The following AGBL1 variants were observed in gnomAD, a reference collection of about 807,000 sequenced individuals.
AGBL1 encodes the protein AGBL carboxypeptidase 1, also known as cytosolic carboxypeptidase 4.
In AGBL1, 130 loss-of-function variants were observed where a neutral mutation model predicts 118.9. That is an observed-to-expected ratio of 1.09 (90% CI 0.95 to 1.26). The LOEUF (loss-of-function observed/expected upper bound fraction) is 1.26, where lower values mean the gene tolerates loss of function less well. AGBL1 is among the 50% of genes most tolerant of loss of function. AGBL1 has a pLI of 0.00. For missense variants in AGBL1, 1,584 were observed against 1,298.1 expected (o/e 1.22, Z -3.38); for synonymous variants, 555 against 478.9 (o/e 1.16, Z -2.08).
At chr15:86,154,023 AG>A (rs1365737817) in intron 3 of AGBL1, among the ~76,000 whole-genome samples, 1 of 152,198 alleles carries the variant, frequency 6.6e-6, no homozygotes, top group African/African-American at 2.4e-5. Flanking sequence ...TTATAGACAT[AG>A]TCAAAGCAAG....
chr15:86,996,986 A>T (rs1158989010), intron 24 of AGBL1, among the ~76,000 whole-genome samples: 1 of 152,142 alleles, frequency 6.6e-6, no homozygotes, highest in Non-Finnish European at 1.5e-5. Context: ...TTATTTCTAG[A>T]ATCATAACCA....
At chr15:86,682,754 AATAAGT>A (rs1428767333) in intron 22 of AGBL1, among the ~76,000 whole-genome samples, 8 of 152,174 alleles carry the variant, frequency 5.3e-5, no homozygotes, top group African/African-American at 1.4e-4. Flanking sequence ...CCATGAAAAT[AATAAGT>A]ATGTCAATTT....
intron 9 of AGBL1, among the ~76,000 whole-genome samples, chr15:86,259,103 G>C (rs1043334521): frequency 6.6e-6 from 1 of 152,188 alleles, no homozygotes; most frequent in African/African-American, 2.4e-5. Flanking sequence ...TTGGCATTTA[G>C]ACCGGTTACT....
chr15:87,020,124 C>T (rs1415928706), intron 24 of AGBL1, among the ~76,000 whole-genome samples: 1 of 151,888 alleles, frequency 6.6e-6, no homozygotes, highest in Non-Finnish European at 1.5e-5. Context: ...TAATAGATAG[C>T]CTACCAATCA....
intron 23 of AGBL1, among the ~76,000 whole-genome samples, chr15:86,953,857 T>C (rs2080904046): frequency 6.6e-6 from 1 of 152,190 alleles, no homozygotes; most frequent in African/African-American, 2.4e-5. Flanking sequence ...TAGAATTATA[T>C]AATCAGCAAA....
At chr15:86,407,410 C>G (rs2081544969) in intron 18 of AGBL1, among the ~76,000 whole-genome samples, 2 of 152,124 alleles carry the variant, frequency 1.3e-5, no homozygotes, top group Non-Finnish European at 2.9e-5. Context: ...ATCCTGGTGT[C>G]TTTCCTCTTG....
chr15:86,752,918 A>G (rs915922930), intron 22 of AGBL1, among the ~76,000 whole-genome samples: 1 of 152,126 alleles, frequency 6.6e-6, no homozygotes, highest in Non-Finnish European at 1.5e-5. Context: ...AGAATATTGC[A>G]ATTTTCACAT....
At chr15:86,972,941 T>C (rs1012716842) in intron 23 of AGBL1, among the ~76,000 whole-genome samples, 1 of 152,018 alleles carries the variant, frequency 6.6e-6, no homozygotes, top group African/African-American at 2.4e-5. Context: ...TCTGCTTCTT[T>C]CATTATAATC....
At chr15:86,900,336 T>C (rs1443715043) in intron 22 of AGBL1, among the ~76,000 whole-genome samples, 1 of 152,202 alleles carries the variant, frequency 6.6e-6, no homozygotes, top group Non-Finnish European at 1.5e-5. Context: ...AATACACGTA[T>C]GTTTCTTACT....
rs57060173 is a variant in AGBL1 at position 86,374,816 on chromosome 15, G to A, written c.2375-22550G>A. Among the ~76,000 whole-genome samples the A allele has an allele frequency of 2.0e-4, 30 of 152,272 alleles. No homozygotes were observed. In the South Asian group the frequency reaches 2.7e-3, roughly 14 times the overall value. On this transcript the variant is annotated intron_variant, in intron 17 of 22. Transcript: ENST00000614907. ...TGCTTTAGAACCCAGCCTTTAGGAC[G>A]TTTTTTCCATATTATCTTGAGCCAG...
At chr15:86,224,458 A>G (rs938895446) in intron 5 of AGBL1, among the ~76,000 whole-genome samples, 6 of 152,106 alleles carry the variant, frequency 3.9e-5, no homozygotes, top group African/African-American at 1.4e-4. Context: ...CTGCATCCCC[A>G]GGGGTATGAG....
chr15:86,633,144 A>T (rs1177978248), intron 21 of AGBL1, among the ~76,000 whole-genome samples: 2 of 152,236 alleles, frequency 1.3e-5, no homozygotes, highest in Non-Finnish European at 2.9e-5. Context: ...AACTACAGAG[A>T]AAACATAGAT....
At chr15:86,288,018 C>T (rs1314830055) in intron 16 of AGBL1, among the ~76,000 whole-genome samples, 1 of 152,108 alleles carries the variant, frequency 6.6e-6, no homozygotes, top group Non-Finnish European at 1.5e-5. Flanking sequence ...TATGAATTTC[C>T]TGCCTTCTCC....
intron 22 of AGBL1, among the ~76,000 whole-genome samples, chr15:86,797,486 T>C (rs963397641): frequency 2.0e-5 from 3 of 152,192 alleles, no homozygotes; most frequent in Admixed American, 6.5e-5. Flanking sequence ...TTCAACCTGC[T>C]CACTCTGAGA....
chr15:86,283,717 A>T (rs534109999), intron 16 of AGBL1, among the ~76,000 whole-genome samples: 1 of 152,274 alleles, frequency 6.6e-6, no homozygotes, highest in African/African-American at 2.4e-5. Flanking sequence ...CCATCCTTGT[A>T]TAGGCCAAAC....
chr15:86,677,469 G>T (rs1263840440), intron 22 of AGBL1, among the ~76,000 whole-genome samples: 1 of 152,156 alleles, frequency 6.6e-6, no homozygotes, highest in African/African-American at 2.4e-5. Flanking sequence ...ATGCTAAGCT[G>T]CTTCTTCAGG....
chr15:86,163,809 A>G (rs1411984103), intron 5 of AGBL1, among the ~76,000 whole-genome samples: 1 of 152,274 alleles, frequency 6.6e-6, no homozygotes, highest in East Asian at 1.9e-4. Flanking sequence ...TTTCCTATGT[A>G]GTAATGAATG....
chr15:86,254,195 CT>C (rs1205991030), intron 7 of AGBL1, among the ~76,000 whole-genome samples: 1 of 152,212 alleles, frequency 6.6e-6, no homozygotes, highest in Non-Finnish European at 1.5e-5. Context: ...TCCTAGGAGA[CT>C]TTATGAAACT....
chr15:86,732,177 CTAAT>C (rs2077535326), intron 22 of AGBL1, among the ~76,000 whole-genome samples: 1 of 152,176 alleles, frequency 6.6e-6, no homozygotes, highest in African/African-American at 2.4e-5. Context: ...GCTCTAGAGA[CTAAT>C]AAATAAACTT....
Sources: allele counts gnomAD v4.1 joint callset (sites outside exome capture counted in the v4.1 genomes callset), GRCh38; gene constraint gnomAD v4.1.1; transcripts MANE v1.5; gene names NCBI Gene and HGNC (gene_info 2026-07-23, HGNC 2026-07-21).